Variants in TRDMT1 observed in about 807,000 individuals in gnomAD.
TRDMT1 encodes tRNA aspartic acid methyltransferase 1.
Under a neutral mutation model 51.2 loss-of-function variants are expected in TRDMT1, and 49 were observed. That is an observed-to-expected ratio of 0.96 (90% confidence interval 0.76 to 1.21). The LOEUF (loss-of-function observed/expected upper bound fraction) is 1.21. Ranked by LOEUF, TRDMT1 falls within the 50% of genes most tolerant of loss-of-function variation. The probability of loss-of-function intolerance (pLI) is 0.00; values close to 1 mark genes in which losing one functional copy is unlikely to be tolerated. For synonymous variants in TRDMT1, 187 were observed against 164.6 expected (o/e 1.14, Z -1.04); for missense variants, 534 against 462.3 (o/e 1.16, Z -1.42).
rs1020560902 is a variant in TRDMT1 at position 17,139,094 on chromosome 10, G to A, written c.*9946C>T. ...TACCTCCAACAGCTCCCGGAATGGG[G>A]ACTTCAGCAGCTCCATTGGATTAAT... is the stretch of plus-strand genomic sequence containing the variant. On this transcript the variant is annotated 3_prime_UTR_variant, in exon 11 of 11. Coordinates refer to ENST00000377799, the MANE Select transcript of TRDMT1 (RefSeq NM_004412.7). 2 of 839,408 alleles carry A rather than the reference G, an allele frequency of 2.4e-6. No individual in the cohort carries two copies. The highest frequency in any genetic ancestry group is 2.9e-6 in the Non-Finnish European group (2 of 696,292). 52.0% of individuals were successfully genotyped at this position (839,408 alleles called of 1,614,324 possible). A position where few individuals can be genotyped will look rare whatever the true frequency, so the allele number is the denominator to read the frequency against.
In TRDMT1 at chr10:17,201,629, C is replaced by T. The variant is rs1012560149; in HGVS notation, c.6G>A (p.Glu2=). ...TGTATAGCTCCAGCACCCGCAGGGG[C>T]TCCATCCCCGCGCCTCAGCCGCCGC... M[E]PLRVLELYSG... is the part of the protein sequence containing the mutation. The change falls in exon 1 of 11, where the codon GAG becomes GAA. Residue 2 remains glutamate, a synonymous_variant. Transcript: ENST00000377799. The T allele has an allele frequency of 6.5e-7, 1 of 1,544,282 alleles. No homozygotes were observed. Among genetic ancestry groups the T allele is most frequent in the South Asian group, 1.2e-5 (1 of 83,664 alleles).
intron 10 of TRDMT1, chr10:17,151,423 G>A (rs1838721100): frequency 2.0e-6 from 2 of 976,726 alleles, no homozygotes; most frequent in South Asian, 9.5e-5. Context: ...CAGGACAGAG[G>A]GTTTGGAAGG....
chr10:17,138,875 G>T lies in TRDMT1; in HGVS notation c.*10165C>A, dbSNP rs1421303603. ...TAGGGCTTTGGAGGAGGAGCACAGG[G>T]GTGTTCGTGGCACATGTATACACAC... On this transcript the variant is annotated 3_prime_UTR_variant, in exon 11 of 11. Transcript: ENST00000377799. Among the ~76,000 whole-genome samples, 1 of 151,968 alleles carries T rather than the reference G, an allele frequency of 6.6e-6. No individual in the cohort carries two copies. The highest frequency in any genetic ancestry group is 1.9e-4 in the East Asian group (1 of 5,186).
In TRDMT1 at chr10:17,157,762, A is replaced by T. The variant is rs1165143136; in HGVS notation, c.566T>A (p.Ile189Asn). Residue 189 changes from isoleucine to asparagine, a missense_variant, in exon 8 of 11, where the codon ATT becomes AAT. Transcript: ENST00000377799. The part of the protein sequence containing the change: ...PGQVLMEFPK[I>N]ESVHPQKYAM... ...ATATTTTTGTGGATGTACAGATTCA[A>T]TTTTGGGGAACTCCATCAGTACCTG... 6.3e-7 allele frequency: 1 copy of T among 1,596,552 alleles called. No individual in the cohort carries two copies. The highest frequency in any genetic ancestry group is 8.5e-7 in the Non-Finnish European group (1 of 1,172,784).
chr10:17,173,851 G>A (rs565365161), intron 2 of TRDMT1, among the ~76,000 whole-genome samples: 23 of 144,354 alleles, frequency 1.6e-4, no homozygotes, highest in Non-Finnish European at 2.5e-4. Context: ...TGCAACCTCC[G>A]CCTCCTGGGT....
Position 17,145,819 on chromosome 10 carries a change from A to T in TRDMT1, c.*3221T>A, listed in dbSNP as rs1427393096. ...AGCTGGCCTGCAGAATGCATCCTTT[A>T]GTAGGTGCTTGATATTAGATGAAAT... On this transcript the variant is annotated 3_prime_UTR_variant, in exon 11 of 11. Coordinates refer to ENST00000377799, the MANE Select transcript of TRDMT1 (RefSeq NM_004412.7). The T allele has an allele frequency of 1.0e-6, 1 of 985,360 alleles. No individual in the cohort carries two copies. Among genetic ancestry groups the T allele is most frequent in the Non-Finnish European group, 1.2e-6 (1 of 829,938 alleles). The allele number at this position is 985,360 out of a possible 1,614,324, so 61.0% of individuals were successfully genotyped here.
At chr10:17,167,738 G>T (rs945420477) in intron 3 of TRDMT1, among the ~76,000 whole-genome samples, 10 of 152,168 alleles carry the variant, frequency 6.6e-5, no homozygotes, top group Admixed American at 2.6e-4. Flanking sequence ...GTTCACAAGT[G>T]CATGCTTAAC....
In TRDMT1 at chr10:17,140,408, G is replaced by A. The variant is rs1032015140; in HGVS notation, c.*8632C>T. On this transcript the variant is annotated 3_prime_UTR_variant, in exon 11 of 11. Coordinates refer to ENST00000377799, the MANE Select transcript of TRDMT1 (RefSeq NM_004412.7). ...TCAAACAATCCCCCAAGCCATGAAA[G>A]AACCTACAATTCTATTACCATACTC... Among the ~76,000 whole-genome samples the A allele has an allele frequency of 6.6e-6, 1 of 151,974 alleles. No homozygotes were observed. The highest frequency in any genetic ancestry group is 2.4e-5 in the African/African-American group (1 of 41,360).
rs147828589 is a variant in TRDMT1 at position 17,157,508 on chromosome 10, G to T, written c.820C>A (p.Leu274Met). The T allele has an allele frequency of 6.2e-7, 1 of 1,613,892 alleles. No individual in the cohort carries two copies. Among genetic ancestry groups the T allele is most frequent in the Non-Finnish European group, 8.5e-7 (1 of 1,179,904 alleles). ...ATGTCTAACAGAAGAGCATATCGCAGCAATGACTTTGGTGGTAAAAGATAC... is the reference window on the plus strand; with the variant it reads ...ATGTCTAACAGAAGAGCATATCGCATCAATGACTTTGGTGGTAAAAGATAC... Reference protein sequence around the residue: ...NQYLLPPKSLLRYALLLDIVQ... With the variant: ...NQYLLPPKSLMRYALLLDIVQ... Residue 274 changes from leucine (L) to methionine (M), a missense_variant, in exon 8 of 11, where the codon CTG becomes ATG. By Grantham distance (15) the Leu-to-Met change is conservative. Coordinates refer to ENST00000377799, the MANE Select transcript of TRDMT1 (RefSeq NM_004412.7).
chr10:17,179,043 TA>T (rs201150481), intron 1 of TRDMT1, among the ~76,000 whole-genome samples: 30 of 150,230 alleles, frequency 2.0e-4, no homozygotes, highest in African/African-American at 5.9e-4. Flanking sequence ...CAAATTAATG[TA>T]AAAAAAAAGG....
At chr10:17,196,411 C>G (rs924606437) in intron 1 of TRDMT1, among the ~76,000 whole-genome samples, 1 of 152,196 alleles carries the variant, frequency 6.6e-6, no homozygotes, top group Non-Finnish European at 1.5e-5. Flanking sequence ...TCTCCTGATA[C>G]TACATTTTAA....
intron 1 of TRDMT1, among the ~76,000 whole-genome samples, 160 bp from the exon 2 acceptor site, chr10:17,174,820 G>A (rs1351056338): frequency 6.6e-6 from 1 of 152,198 alleles, no homozygotes; most frequent in Non-Finnish European, 1.5e-5. Context: ...AGCCAGGCAT[G>A]AAGTGAAATA....
At position 17,148,155 on chromosome 10, in the gene TRDMT1, T is replaced by A. The variant is rs1295305644; in HGVS notation, c.*885A>T. 2.2e-5 allele frequency: 22 copies of A among 985,238 alleles called. No homozygotes were observed. Among genetic ancestry groups the A allele is most frequent in the Non-Finnish European group, 2.4e-5 (20 of 829,938 alleles). 61.0% of individuals were successfully genotyped at this position (985,238 alleles called of 1,614,324 possible). A position where few individuals can be genotyped will look rare whatever the true frequency, so the allele number is the denominator to read the frequency against. On this transcript the variant is annotated 3_prime_UTR_variant, in exon 11 of 11. Coordinates refer to ENST00000377799, the MANE Select transcript of TRDMT1 (RefSeq NM_004412.7). ...GCTGAGGAAGAGAGACAGAGAAAGTTAAAAGTCATAAAAGTTCATTGAGAG... is the reference window on the plus strand; with the variant it reads ...GCTGAGGAAGAGAGACAGAGAAAGTAAAAAGTCATAAAAGTTCATTGAGAG...
At chr10:17,189,271 A>G (rs936466758) in intron 1 of TRDMT1, among the ~76,000 whole-genome samples, 2 of 152,318 alleles carry the variant, frequency 1.3e-5, no homozygotes, top group African/African-American at 4.8e-5. Flanking sequence ...AAATACTGGG[A>G]TCACAAGCGT....
intron 1 of TRDMT1, among the ~76,000 whole-genome samples, chr10:17,179,738 T>C (rs1282202512): frequency 7.2e-6 from 1 of 139,420 alleles, no homozygotes; most frequent in Non-Finnish European, 1.5e-5. Context: ...AACTAGCTGA[T>C]TCCAATCTCT....
intron 10 of TRDMT1, chr10:17,152,002 C>G (rs991998943): frequency 7.7e-7 from 1 of 1,296,570 alleles, no homozygotes; most frequent in Admixed American, 2.4e-5. Context: ...GACTACTGCC[C>G]TTTGAAAACA....
At chr10:17,192,420 C>T (rs549269490) in intron 1 of TRDMT1, among the ~76,000 whole-genome samples, 13 of 152,294 alleles carry the variant, frequency 8.5e-5, no homozygotes, top group Admixed American at 4.6e-4. Context: ...TTTCAAAGTT[C>T]GTCCAAATTA....
chr10:17,170,492 G>C (rs1841815000), intron 2 of TRDMT1, among the ~76,000 whole-genome samples: 1 of 152,138 alleles, frequency 6.6e-6, no homozygotes, highest in Admixed American at 6.5e-5. Flanking sequence ...ATCCTGTATT[G>C]ACTGGCAGGT....
At chr10:17,190,134 C>T (rs2131597371) in intron 1 of TRDMT1, among the ~76,000 whole-genome samples, 1 of 152,266 alleles carries the variant, frequency 6.6e-6, no homozygotes, top group East Asian at 1.9e-4. Context: ...CCAACATACA[C>T]TTTACCTAGT....
Sources: allele counts gnomAD v4.1 joint callset (sites outside exome capture counted in the v4.1 genomes callset), GRCh38; gene constraint gnomAD v4.1.1; transcripts MANE v1.5; gene names NCBI Gene and HGNC (gene_info 2026-07-23, HGNC 2026-07-21).